LRMDA: variants seen among roughly 807,000 people sequenced by gnomAD.
LRMDA encodes leucine-rich melanocyte differentiation-associated protein.
Under a neutral mutation model 29.8 loss-of-function variants are expected in LRMDA, and 18 were observed. The observed-to-expected ratio is 0.60, with a 90% CI of 0.42 to 0.90. The LOEUF is 0.90. Among genes scored for constraint, LRMDA ranks in the 40% least tolerant of loss-of-function variants. LRMDA has a pLI of 0.00. For synonymous variants in LRMDA, 125 were observed against 109.4 expected, an observed-to-expected ratio of 1.14 and a Z score of -0.89; for missense variants, 273 against 273.9, an observed-to-expected ratio of 1.00 and a Z score of 0.02.
chr10:76,297,460 A>T (rs1840425640), intron 5 of LRMDA, among the ~76,000 whole-genome samples: 1 of 152,244 alleles, frequency 6.6e-6, no homozygotes, highest in Non-Finnish European at 1.5e-5. Context: ...AAGAGAACTA[A>T]GATGGGCCTA....
At chr10:76,454,984 G>A (rs893962641) in intron 6 of LRMDA, among the ~76,000 whole-genome samples, 2 of 152,230 alleles carry the variant, frequency 1.3e-5, no homozygotes, top group Non-Finnish European at 2.9e-5. Flanking sequence ...TGAGTACAGA[G>A]TTTTAGTTTG....
At chr10:76,030,803 G>A (rs944356133) in intron 2 of LRMDA, among the ~76,000 whole-genome samples, 1 of 152,080 alleles carries the variant, frequency 6.6e-6, no homozygotes, top group African/African-American at 2.4e-5. Flanking sequence ...AATTAAAAAT[G>A]ACTGTGCTGC....
chr10:75,621,216 A>ACACACC (rs1554816445), intron 2 of LRMDA, among the ~76,000 whole-genome samples: 1 of 130,282 alleles, frequency 7.7e-6, no homozygotes, highest in African/African-American at 2.8e-5. Flanking sequence ...ACACACACAC[A>ACACACC]CACACACACC....
At chr10:75,854,525 A>G (rs1844788507) in intron 2 of LRMDA, among the ~76,000 whole-genome samples, 1 of 152,178 alleles carries the variant, frequency 6.6e-6, no homozygotes, top group African/African-American at 2.4e-5. Context: ...TATTGAAATA[A>G]TCAAGGCTTT....
chr10:75,808,540 T>C (rs1172694704), intron 2 of LRMDA, among the ~76,000 whole-genome samples: 1 of 152,206 alleles, frequency 6.6e-6, no homozygotes, highest in East Asian at 1.9e-4. Flanking sequence ...AGATGGAGTC[T>C]CACTCCGTTG....
In LRMDA at chr10:75,657,466, C is replaced by T. The variant is rs551732344; in HGVS notation, c.131+218972C>T. Among the ~76,000 whole-genome samples the T allele has an allele frequency of 1.1e-4, 16 of 152,284 alleles. No individual in the cohort carries two copies. The South Asian group carries it at 3.1e-3, about 30-fold the overall frequency. Reference sequence around the variant, plus strand: ...TTGGGTAGGGCCAGGTACTAGAGAGCCACAGCAGCCAGGCAAGCACTAATG... The same window carrying T: ...TTGGGTAGGGCCAGGTACTAGAGAGTCACAGCAGCCAGGCAAGCACTAATG... On this transcript the variant is annotated intron_variant, in intron 2 of 6. Transcript: ENST00000611255.
At chr10:75,613,713 G>A (rs745937825) in intron 2 of LRMDA, among the ~76,000 whole-genome samples, 1 of 152,144 alleles carries the variant, frequency 6.6e-6, no homozygotes, top group Non-Finnish European at 1.5e-5. Context: ...TTTCGTGCAG[G>A]GGAGATGTTA....
At position 76,294,278 on chromosome 10, in the gene LRMDA, G is replaced by A. The variant is rs1288658899; in HGVS notation, c.517-30123G>A. Among the ~76,000 whole-genome samples the A allele has an allele frequency of 2.0e-5, 3 of 152,208 alleles. No homozygotes were observed. The South Asian group carries it at 6.2e-4, about 32-fold the overall frequency. On this transcript the variant is annotated intron_variant, in intron 5 of 6. Transcript: ENST00000611255. ...TTCTCTTTTTAAATTTCTTGATTAA[G>A]CTGAGAGAGTTCACACTGGAAACTC... is the stretch of plus-strand genomic sequence containing the variant.
intron 6 of LRMDA, among the ~76,000 whole-genome samples, chr10:76,528,053 G>A (rs974980373): frequency 3.3e-5 from 5 of 152,052 alleles, no homozygotes; most frequent in African/African-American, 1.2e-4. Flanking sequence ...TAGCAAAGAT[G>A]TTTAAATAGG....
intron 2 of LRMDA, among the ~76,000 whole-genome samples, chr10:75,493,348 G>GGTGTGTGTGT (rs3220724): frequency 0.023 from 3,069 of 133,278 alleles, 88 homozygotes; most frequent in African/African-American, 0.048. Flanking sequence ...GTTGAGATTG[G>GGTGTGTGTGT]GTGTGTGTGT....
At chr10:75,625,753 T>A (rs1841242172) in intron 2 of LRMDA, among the ~76,000 whole-genome samples, 1 of 152,162 alleles carries the variant, frequency 6.6e-6, no homozygotes, top group African/African-American at 2.4e-5. Flanking sequence ...AATCTTTTCC[T>A]TCTCAAGTTC....
chr10:76,241,598 G>A (rs1364714322), intron 5 of LRMDA, among the ~76,000 whole-genome samples: 2 of 152,174 alleles, frequency 1.3e-5, no homozygotes, highest in Non-Finnish European at 2.9e-5. Flanking sequence ...GGAATATGAA[G>A]TGTTTCCAGA....
chr10:76,069,601 C>CT (rs559273778), intron 5 of LRMDA, among the ~76,000 whole-genome samples: 2,058 of 140,862 alleles, frequency 0.015, 11 homozygotes, highest in South Asian at 0.022. Context: ...CCAAAGCTGT[C>CT]TTTTTTTTTT....
intron 5 of LRMDA, among the ~76,000 whole-genome samples, chr10:76,063,198 C>T (rs73281559): frequency 0.021 from 3,173 of 152,236 alleles, 125 homozygotes; most frequent in African/African-American, 0.072. Context: ...AGTGTTTTGA[C>T]GCTTATGTTT....
chr10:75,524,262 T>C (rs1239943699), intron 2 of LRMDA, among the ~76,000 whole-genome samples: 1 of 152,168 alleles, frequency 6.6e-6, no homozygotes, highest in Non-Finnish European at 1.5e-5. Flanking sequence ...CATGGGGGCA[T>C]TCATCCATGT....
chr10:76,457,530 C>T (rs1209523134), intron 6 of LRMDA, among the ~76,000 whole-genome samples: 2 of 151,644 alleles, frequency 1.3e-5, no homozygotes, highest in African/African-American at 4.8e-5. Flanking sequence ...GGTGATTTTG[C>T]AGTTTAAAGT....
chr10:76,065,615 A>G (rs1473309997), intron 5 of LRMDA, among the ~76,000 whole-genome samples: 1 of 152,238 alleles, frequency 6.6e-6, no homozygotes, highest in Non-Finnish European at 1.5e-5. Flanking sequence ...GGAAGTAAGT[A>G]GCATTTTTTA....
chr10:75,525,136 T>G (rs1845399444), intron 2 of LRMDA, among the ~76,000 whole-genome samples: 1 of 152,228 alleles, frequency 6.6e-6, no homozygotes, highest in Non-Finnish European at 1.5e-5. Flanking sequence ...AAATTTCCTG[T>G]AGACCATCTG....
chr10:76,304,150 A>G (rs1840519513), intron 5 of LRMDA, among the ~76,000 whole-genome samples: 1 of 152,184 alleles, frequency 6.6e-6, no homozygotes, highest in African/African-American at 2.4e-5. Flanking sequence ...GAAAGGAACA[A>G]AAACCATCCA....
Sources: gnomAD v4.1 joint callset for allele counts (sites outside exome capture counted in the v4.1 genomes callset) on GRCh38, gnomAD v4.1.1 for gene constraint, MANE v1.5 for transcripts, NCBI Gene and HGNC (gene_info 2026-07-23, HGNC 2026-07-21) for gene names.